Variants in KMT2D observed in about 807,000 individuals in gnomAD.
The protein encoded by KMT2D is histone-lysine N-methyltransferase 2D.
Under a neutral mutation model 512.7 loss-of-function variants are expected in KMT2D, and 55 were observed. The observed-to-expected ratio is 0.11, with a 90% CI of 0.09 to 0.13. The LOEUF (loss-of-function observed/expected upper bound fraction) is 0.13. KMT2D is among the 10% of genes least tolerant of loss of function. The pLI, the probability that KMT2D is intolerant of heterozygous loss-of-function variation, is 1.00. For synonymous variants in KMT2D, 2,995 were observed against 2,904.0 expected (o/e 1.03, Z -1.01); for missense variants, 6,061 against 7,127.9 (o/e 0.85, Z 5.39).
In KMT2D at chr12:49,041,889, C is replaced by G; in HGVS notation, c.6183+28G>C. 1 of 1,583,454 alleles carries G rather than the reference C, an allele frequency of 6.3e-7. No individual in the cohort carries two copies. Among genetic ancestry groups the G allele is most frequent in the Non-Finnish European group, 8.6e-7 (1 of 1,162,124 alleles). ...ATCCCTCCCTCCCTCTCAGTTCCCA[C>G]GCTAATCCATGCTCCTTTCTGCCTC... is the stretch of plus-strand genomic sequence containing the variant. On this transcript the variant is annotated intron_variant, in intron 30 of 54. Transcript: ENST00000301067. This position sits in a 1 kb window ranked among gnomAD's most constrained non-coding sequence, Gnocchi z 5.4.
At position 49,053,320 on chromosome 12, in the gene KMT2D, T is replaced by C; in HGVS notation, c.841A>G (p.Lys281Glu). Reference sequence around the variant, plus strand: ...AACATCTTAGAGTCATTCCCAGGTTTCCTGCAGGTGCACATGGAACATTAC... The same window carrying C: ...AACATCTTAGAGTCATTCCCAGGTTCCCTGCAGGTGCACATGGAACATTAC... ...PECKVCQACR[K>E]PGNDSKMLVC... The change falls in exon 8 of 55, where the codon AAA becomes GAA. Residue 281 changes from lysine to glutamate, a missense_variant and splice_region_variant. Lys to Glu is a moderately conservative substitution (Grantham distance 56). This residue lies in a region of KMT2D where 160 missense variants were observed against 225.8 expected (regional missense o/e 0.71). Transcript: ENST00000301067. The C allele has an allele frequency of 6.2e-7, 1 of 1,612,918 alleles. No individual in the cohort carries two copies. The highest frequency in any genetic ancestry group is 2.2e-5 in the East Asian group (1 of 44,880).
chr12:49,025,039 G>T, intron 49 of KMT2D, 93 bp from the exon 50 acceptor site: 2 of 1,371,932 alleles, frequency 1.5e-6, no homozygotes, highest in Non-Finnish European at 2.0e-6. Flanking sequence ...GTTTTCTGAG[G>T]CCTTCAAGCC....
chr12:49,033,552 T>G lies in KMT2D; in HGVS notation c.11153A>C (p.Glu3718Ala). ...SLGPDSRLLQ[E>A]RQLQLQQQRM... is the part of the protein sequence containing the mutation. ...TTGCTGCTGCAGCTGCAGCTGCCTTTCCTGTAAAAGCCTTGAATCAGGTCC... is the reference window on the plus strand; with the variant it reads ...TTGCTGCTGCAGCTGCAGCTGCCTTGCCTGTAAAAGCCTTGAATCAGGTCC... The change falls in exon 40 of 55, where the codon GAA becomes GCA. Residue 3718 changes from glutamate to alanine, a missense_variant. Physicochemically the swap from Glu to Ala is moderately radical, Grantham distance 107. Around this residue, in one of 16 missense-constraint regions of KMT2D, gnomAD observed 1,600 missense variants for 1,754.9 expected, o/e 0.91. Coordinates refer to ENST00000301067, the MANE Select transcript of KMT2D (RefSeq NM_003482.4). The G allele has an allele frequency of 6.2e-7, 1 of 1,613,594 alleles. No individual in the cohort carries two copies. Among genetic ancestry groups the G allele is most frequent in the Non-Finnish European group, 8.5e-7 (1 of 1,179,822 alleles).
intron 46 of KMT2D, 142 bp downstream of exon 46, chr12:49,028,686 A>G: frequency 8.9e-7 from 1 of 1,123,514 alleles, no homozygotes; most frequent in Non-Finnish European, 1.3e-6. Context: ...CCCGAATCTC[A>G]CAGCCTCTAG....
At position 49,034,883 on chromosome 12, in the gene KMT2D, C is replaced by T. The variant is rs372496445; in HGVS notation, c.10284G>A (p.Lys3428=). Residue 3428 remains lysine, a synonymous_variant, in exon 36 of 55, where the codon AAG becomes AAA. Transcript: ENST00000301067. The stretch of plus-strand genomic sequence containing the variant: ...TCTTGATGCCTTTCAAAGCCACCAT[C>T]TTGGCCTTTGCAATGGGATCAATGA... The part of the protein sequence containing the change: ...EDIIDPIAKA[K]MVALKGIKKV... 6.2e-7 allele frequency: 1 copy of T among 1,613,922 alleles called. No individual in the cohort carries two copies. The highest frequency in any genetic ancestry group is 8.5e-7 in the Non-Finnish European group (1 of 1,179,908).
Position 49,043,061 on chromosome 12 carries a change from G to A in KMT2D, c.5644+15C>T, listed in dbSNP as rs760243290. 1.4e-5 allele frequency: 23 copies of A among 1,603,072 alleles called. No individual in the cohort carries two copies. The highest frequency in any genetic ancestry group is 7.7e-5 in the South Asian group (7 of 90,814). The stretch of plus-strand genomic sequence containing the variant: ...AAAACCCTTATACACAAAGAGGTAC[G>A]GGTCACAGCCTCACCTTCTGTGGAA... On this transcript the variant is annotated intron_variant, in intron 26 of 54. Transcript: ENST00000301067.
In KMT2D at chr12:49,024,115, G is replaced by A. The variant is rs900729347; in HGVS notation, c.16052+463C>T. ...ATGTGAAAACGCTTTGAAAAAAAAAGTATAAAGTGCTATACAAATGTAAGG... is the reference window on the plus strand; with the variant it reads ...ATGTGAAAACGCTTTGAAAAAAAAAATATAAAGTGCTATACAAATGTAAGG... On this transcript the variant is annotated intron_variant, in intron 51 of 54. Coordinates refer to ENST00000301067, the MANE Select transcript of KMT2D (RefSeq NM_003482.4). This position sits in a 1 kb window ranked among gnomAD's most constrained non-coding sequence, Gnocchi z 4.5. 2 of 455,064 alleles carry A rather than the reference G, an allele frequency of 4.4e-6. No homozygotes were observed. The highest frequency in any genetic ancestry group is 8.8e-6 in the Non-Finnish European group (2 of 227,102). The allele number at this position is 455,064 out of a possible 1,614,324, so 28.2% of individuals were successfully genotyped here.
intron 15 of KMT2D, 122 bp downstream of exon 15, chr12:49,047,843 G>C: frequency 1.5e-6 from 1 of 670,362 alleles, no homozygotes; most frequent in Non-Finnish European, 2.7e-6. Flanking sequence ...ATAACCACTG[G>C]TGACTAATGA....
intron 1 of KMT2D, 21 bp from the exon 2 acceptor site, chr12:49,055,382 A>T (rs1475628134): frequency 3.3e-6 from 5 of 1,500,050 alleles, no homozygotes; most frequent in Admixed American, 1.8e-5. Flanking sequence ...CAAGAAAGAG[A>T]TCTATATGCC....
intron 19 of KMT2D, among the ~76,000 whole-genome samples, chr12:49,045,505 G>A (rs1450874631): frequency 6.6e-6 from 1 of 152,080 alleles, no homozygotes; most frequent in Non-Finnish European, 1.5e-5. Context: ...TTAGCCGGGC[G>A]TGGTGGCGGG....
rs779822241 is a variant in KMT2D at position 49,040,447 on chromosome 12, G to A, written c.7323C>T (p.Thr2441=). 1.3e-6 allele frequency: 2 copies of A among 1,561,608 alleles called. No homozygotes were observed. Among genetic ancestry groups the A allele is most frequent in the Non-Finnish European group, 8.7e-7 (1 of 1,152,620 alleles). The change falls in exon 32 of 55, where the codon ACC becomes ACT. Residue 2441 remains threonine, a synonymous_variant. Transcript: ENST00000301067. ...SAEAFCPSPV[T]PRFQSPDPYS... ...AAGGGTCAGGGGACTGGAAGCGAGG[G>A]GTAACGGGTGATGGGCAAAAAGCTT...
rs775310613 is a variant in KMT2D, at chr12:49,050,786, G to C, written c.2802C>G (p.Pro934=). 1 of 1,600,508 alleles carries C rather than the reference G, an allele frequency of 6.2e-7. No individual in the cohort carries two copies. Among genetic ancestry groups the C allele is most frequent in the South Asian group, 1.1e-5 (1 of 90,390 alleles). ...TGATGGGTGAGAGTGGAGGAGGAAG[G>C]GGATCTGGAAGGAAAGAGAAAAAAG... ...SLSPQLMPPD[P]LPPPLSPIIT... Residue 934 remains proline, a synonymous_variant, in exon 12 of 55, where the codon CCC becomes CCG. Transcript: ENST00000301067.
At chr12:49,059,330 C>A (rs1020042891) in intron 1 of KMT2D, among the ~76,000 whole-genome samples, 1 of 152,050 alleles carries the variant, frequency 6.6e-6, no homozygotes, top group Non-Finnish European at 1.5e-5. Flanking sequence ...GTCGAGCTCC[C>A]CCAACACAAA....
rs1592121432 is a variant in KMT2D at position 49,033,551 on chromosome 12, T to TTCC, written c.11151_11153dup (p.Glu3718dup). On this transcript the variant is annotated inframe_insertion, in exon 40 of 55. Transcript: ENST00000301067. ...GTTGCTGCTGCAGCTGCAGCTGCCT[T>TTCC]TCCTGTAAAAGCCTTGAATCAGGTC... 1 of 1,613,398 alleles carries TTCC rather than the reference T, an allele frequency of 6.2e-7. No individual in the cohort carries two copies. The highest frequency in any genetic ancestry group is 1.7e-4 in the Middle Eastern group (1 of 6,060).
At position 49,054,005 on chromosome 12, in the gene KMT2D, C is replaced by G. The variant is rs1412073375; in HGVS notation, c.646G>C (p.Glu216Gln). The G allele has an allele frequency of 2.5e-6, 4 of 1,613,948 alleles. No homozygotes were observed. The South Asian group carries it at 4.4e-5, about 18-fold the overall frequency. ...AGATATGCAGCCCCCTCACTGTGCT[C>G]TGGGCATAGCAGCTGCAGTGTTTTC... is the stretch of plus-strand genomic sequence containing the variant. ...SMKTLQLLCP[E>Q]HSEGAAYLEE... is the part of the protein sequence containing the mutation. Residue 216 changes from glutamate to glutamine, a missense_variant, in exon 6 of 55, where the codon GAG (glutamate) becomes CAG (glutamine). This residue lies in a region of KMT2D where 160 missense variants were observed against 225.8 expected (regional missense o/e 0.71). Coordinates refer to ENST00000301067, the MANE Select transcript of KMT2D (RefSeq NM_003482.4). This position sits in a 1 kb window ranked among gnomAD's most constrained non-coding sequence, Gnocchi z 6.4.
rs2120531944 is a variant in KMT2D at position 49,040,638 on chromosome 12, A to G, written c.7132T>C (p.Tyr2378His). The G allele has an allele frequency of 1.2e-6, 2 of 1,613,528 alleles. No individual in the cohort carries two copies. The highest frequency in any genetic ancestry group is 1.7e-6 in the Non-Finnish European group (2 of 1,179,722). ...CGAGGAGTCAATGGGGGCTGAGCAT[A>G]TGGGTCAGTGTAGGAGCCAGGGCGA... ...IFRPGSYTDP[Y>H]AQPPLTPRPQ... is the part of the protein sequence containing the mutation. Residue 2378 changes from tyrosine (Y) to histidine (H), a missense_variant, in exon 32 of 55, where the codon TAT (tyrosine) becomes CAT (histidine). Tyr to His is a moderately conservative substitution (Grantham distance 83). Coordinates refer to ENST00000301067, the MANE Select transcript of KMT2D (RefSeq NM_003482.4).
chr12:49,057,615 C>T (rs1938488275), intron 1 of KMT2D, among the ~76,000 whole-genome samples: 1 of 152,188 alleles, frequency 6.6e-6, no homozygotes, highest in African/African-American at 2.4e-5. Context: ...CTAGGGGGCA[C>T]CTCCAAAAAG....
Position 49,051,027 on chromosome 12 carries a change from G to T in KMT2D, c.2656C>A (p.Pro886Thr), listed in dbSNP as rs199946966. The change falls in exon 11 of 55, where the codon CCT becomes ACT. Residue 886 changes from proline to threonine, a missense_variant. Around this residue, in one of 16 missense-constraint regions of KMT2D, gnomAD observed 848 missense variants for 838.5 expected, o/e 1.01. Transcript: ENST00000301067. ...APEELPLFPP[P>T]GEPSLSPLLG... ...AAGGGAGATAAGGATGGTTCCCCAG[G>T]GGGAGGGAACAAGGGCAGCTCCTCA... is the stretch of plus-strand genomic sequence containing the variant. 7.1e-6 allele frequency: 11 copies of T among 1,557,184 alleles called. No individual in the cohort carries two copies. The African/African-American group carries it at 1.1e-4, about 16-fold the overall frequency.
At position 49,051,983 on chromosome 12, in the gene KMT2D, G is replaced by A. The variant is rs1237701791; in HGVS notation, c.1700C>T (p.Pro567Leu). The A allele has an allele frequency of 6.2e-7, 1 of 1,613,364 alleles. No homozygotes were observed. The highest frequency in any genetic ancestry group is 1.1e-5 in the South Asian group (1 of 91,052). ...TGGTGGAGACAGGCGAGATGCTTCAGGTGGCGGGGAAGTGGGCAATTCCTC... is the reference window on the plus strand; with the variant it reads ...TGGTGGAGACAGGCGAGATGCTTCAAGTGGCGGGGAAGTGGGCAATTCCTC... ...PPEELPTSPP[P>L]EASRLSPPPE... The change falls in exon 11 of 55, where the codon CCT becomes CTT. Residue 567 changes from proline (P) to leucine (L), a missense_variant. By Grantham distance (98) the Pro-to-Leu change is moderately conservative (BLOSUM62 -3). Around this residue, in one of 16 missense-constraint regions of KMT2D, gnomAD observed 848 missense variants for 838.5 expected, o/e 1.01. Coordinates refer to ENST00000301067, the MANE Select transcript of KMT2D (RefSeq NM_003482.4).
Sources: gnomAD v4.1 joint callset for allele counts (sites outside exome capture counted in the v4.1 genomes callset) on GRCh38, gnomAD v4.1.1 for gene constraint, gnomAD v4.1.1 regional missense constraint, Gnocchi (gnomAD v3.1) non-coding constraint, MANE v1.5 for transcripts, NCBI Gene and HGNC (gene_info 2026-07-23, HGNC 2026-07-21) for gene names.